STON2: variants seen among roughly 807,000 people sequenced by gnomAD.
The protein encoded by STON2 is stonin-2.
In STON2, 29 loss-of-function variants were observed where a neutral mutation model predicts 65.7. That is an observed-to-expected ratio of 0.44 (90% CI 0.33 to 0.60). The LOEUF (loss-of-function observed/expected upper bound fraction) is 0.60, where lower values mean the gene tolerates loss of function less well. STON2 is among the 20% of genes least tolerant of loss of function. STON2 has a pLI of 0.03. For synonymous variants in STON2, 404 were observed against 414.2 expected (o/e 0.98, Z 0.30); for missense variants, 1,054 against 1,118.1 (o/e 0.94, Z 0.82).
intron 5 of STON2, among the ~76,000 whole-genome samples, chr14:81,317,005 G>GT (rs1896649721): frequency 6.6e-6 from 1 of 152,162 alleles, no homozygotes; most frequent in South Asian, 2.1e-4. Flanking sequence ...GGGTGATAGA[G>GT]TGAGACTCTG....
At chr14:81,338,953 A>G (rs1296951480) in intron 4 of STON2, among the ~76,000 whole-genome samples, 1 of 152,226 alleles carries the variant, frequency 6.6e-6, no homozygotes, top group African/African-American at 2.4e-5. Context: ...TTGGTTCCAC[A>G]GCAAAGAAAC....
At chr14:81,321,571 G>A (rs936523683) in intron 5 of STON2, among the ~76,000 whole-genome samples, 11 of 152,064 alleles carry the variant, frequency 7.2e-5, no homozygotes, top group African/African-American at 2.7e-4. Flanking sequence ...AATCAGCTTG[G>A]TAGGATCACT....
At position 81,277,710 on chromosome 14, in the gene STON2, T is replaced by C. The variant is rs1247887777; in HGVS notation, c.1772A>G (p.Asn591Ser). ...GATGAAACTCAGGAAGTCATCGTAA[T>C]TGGTGGTGCCCAGCTTAATCACCTG... ...REQVIKLGTT[N>S]YDDFLSFIHA... Residue 591 changes from asparagine to serine, a missense_variant, in exon 6 of 8, where the codon AAT (asparagine) becomes AGT (serine). Transcript: ENST00000614646. The C allele has an allele frequency of 6.2e-7, 1 of 1,614,184 alleles. No homozygotes were observed. The highest frequency in any genetic ancestry group is 1.1e-5 in the South Asian group (1 of 91,078).
intron 4 of STON2, among the ~76,000 whole-genome samples, chr14:81,354,734 A>G (rs942658215): frequency 1.6e-4 from 24 of 152,318 alleles, no homozygotes; most frequent in African/African-American, 4.1e-4. Flanking sequence ...AAAATGCAAC[A>G]GAGGCTGGGC....
chr14:81,382,803 C>G (rs1248802411), intron 3 of STON2, among the ~76,000 whole-genome samples: 5 of 152,140 alleles, frequency 3.3e-5, no homozygotes, highest in Non-Finnish European at 5.9e-5. Flanking sequence ...ACATCGGCTC[C>G]TTACATTTGT....
chr14:81,427,386 T>C (rs1902029971), intron 1 of STON2: 1 of 152,208 alleles, frequency 6.6e-6, no homozygotes, highest in Non-Finnish European at 1.5e-5. Context: ...CCAGGAGCAC[T>C]GTGCTGTGAC....
At chr14:81,361,480 C>G (rs935599852) in intron 4 of STON2, among the ~76,000 whole-genome samples, 2 of 152,012 alleles carry the variant, frequency 1.3e-5, no homozygotes, top group Non-Finnish European at 2.9e-5. Context: ...TTATCTCACA[C>G]CATATACAAA....
chr14:81,381,504 C>G (rs1899513249), intron 3 of STON2, among the ~76,000 whole-genome samples: 1 of 151,708 alleles, frequency 6.6e-6, no homozygotes, highest in South Asian at 2.1e-4. Context: ...TATAGCTGAA[C>G]AGGGATTTCA....
intron 5 of STON2, among the ~76,000 whole-genome samples, chr14:81,294,232 C>T (rs928495032): frequency 6.6e-6 from 1 of 152,176 alleles, no homozygotes; most frequent in Non-Finnish European, 1.5e-5. Flanking sequence ...ATTCTTTCCA[C>T]AAGGAGATAG....
At chr14:81,396,545 G>A (rs1015927895) in intron 2 of STON2, among the ~76,000 whole-genome samples, 4 of 152,190 alleles carry the variant, frequency 2.6e-5, no homozygotes, top group African/African-American at 9.6e-5. Flanking sequence ...AAAGGGACTG[G>A]TGGGGACTGT....
chr14:81,272,548 G>A (rs1894643453), intron 6 of STON2, among the ~76,000 whole-genome samples: 1 of 152,152 alleles, frequency 6.6e-6, no homozygotes, highest in African/African-American at 2.4e-5. Flanking sequence ...GCTCTCCAAG[G>A]AAAACATTAG....
intron 4 of STON2, among the ~76,000 whole-genome samples, chr14:81,329,794 C>A (rs1024594577): frequency 6.6e-6 from 1 of 152,130 alleles, no homozygotes; most frequent in Non-Finnish European, 1.5e-5. Context: ...TGGGGGAAAT[C>A]CTAGACAGGA....
At chr14:81,320,028 G>C in intron 5 of STON2, among the ~76,000 whole-genome samples, 1 of 152,154 alleles carries the variant, frequency 6.6e-6, no homozygotes, top group East Asian at 1.9e-4. Context: ...TATGGATCTG[G>C]ATGGATTTGT....
intron 6 of STON2, among the ~76,000 whole-genome samples, chr14:81,271,644 A>G (rs940605065): frequency 6.6e-6 from 1 of 152,176 alleles, no homozygotes; most frequent in African/African-American, 2.4e-5. Context: ...CTATACATCT[A>G]TGGGTAACTC....
chr14:81,432,329 C>G (rs562789173), intron 1 of STON2, among the ~76,000 whole-genome samples: 1 of 152,092 alleles, frequency 6.6e-6, no homozygotes, highest in Non-Finnish European at 1.5e-5. Context: ...TAGTAACTTG[C>G]TCCATCTCGT....
rs1248378090 is a variant in STON2, at chr14:81,435,627, A to G, written c.-310+694T>C. On this transcript the variant is annotated intron_variant, in intron 1 of 8. Transcript: ENST00000553821. ...AGTTAATGATTCACTCACAGCCCTC[A>G]GGCAGCTCCTTCCAGTAGGGGTTGC... 5.9e-5 allele frequency among the ~76,000 whole-genome samples: 9 copies of G among 152,276 alleles called. No individual in the cohort carries two copies. The East Asian group carries it at 1.7e-3, about 29-fold the overall frequency.
chr14:81,369,258 G>C (rs2140360377), intron 4 of STON2, among the ~76,000 whole-genome samples: 2 of 152,252 alleles, frequency 1.3e-5, no homozygotes, highest in South Asian at 4.1e-4. Flanking sequence ...CCAAAACAGG[G>C]GAGGAGGTTT....
intron 4 of STON2, among the ~76,000 whole-genome samples, chr14:81,350,104 A>G (rs1409289273): frequency 6.6e-6 from 1 of 152,124 alleles, no homozygotes; most frequent in African/African-American, 2.4e-5. Context: ...GTTAATGGGT[A>G]CAAACATACA....
rs538193340 is a variant in STON2 at position 81,324,031 on chromosome 14, GC to G, written c.727del (p.Ala243ProfsTer17). On this transcript the variant is annotated frameshift_variant, in exon 5 of 8. Transcript: ENST00000614646. LOFTEE classifies it high-confidence loss of function. The stretch of plus-strand genomic sequence containing the variant: ...GCAGCCCTTACCATTGGGAGCAGAG[GC>G]CCCCTCCGGACCCTCGCCGGGGTTC... ...SQNPGEGPEG[A>X]SAPNDNSSSL... Among the ~76,000 whole-genome samples, 13 of 152,362 alleles carry G rather than the reference GC, an allele frequency of 8.5e-5. No individual in the cohort carries two copies. In the East Asian group the frequency reaches 1.9e-3, roughly 23 times the overall value.
Sources: gnomAD v4.1 joint callset for allele counts (sites outside exome capture counted in the v4.1 genomes callset) on GRCh38, gnomAD v4.1.1 for gene constraint, MANE v1.5 for transcripts, NCBI Gene and HGNC (gene_info 2026-07-23, HGNC 2026-07-21) for gene names.